OLFM3: variants seen among roughly 807,000 people sequenced by gnomAD.
OLFM3 encodes noelin-3.
OLFM3 carries 20 observed loss-of-function variants against 48.6 expected under a neutral mutation model. That is an observed-to-expected ratio of 0.41 (90% CI 0.29 to 0.60). The LOEUF (loss-of-function observed/expected upper bound fraction) is 0.60, where lower values mean the gene tolerates loss of function less well. OLFM3 is among the 20% of genes least tolerant of loss of function. The pLI, the probability that OLFM3 is intolerant of heterozygous loss-of-function variation, is 0.28. For synonymous variants in OLFM3, 222 were observed against 198.1 expected (o/e 1.12, Z -1.01); for missense variants, 437 against 544.3 (o/e 0.80, Z 1.96).
chr1:101,805,346 TTGAAA>T (rs1343698203), intron 5 of OLFM3, among the ~76,000 whole-genome samples: 1 of 151,866 alleles, frequency 6.6e-6, no homozygotes, highest in Non-Finnish European at 1.5e-5. Flanking sequence ...TCGTATTCAA[TTGAAA>T]TAAGTACCAT....
At chr1:101,947,663 A>G (rs545890705) in intron 1 of OLFM3, among the ~76,000 whole-genome samples, 8 of 152,294 alleles carry the variant, frequency 5.3e-5, no homozygotes, top group Admixed American at 2.6e-4. Context: ...AAGTTTCAAT[A>G]TGAGTGTTGC....
intron 1 of OLFM3, among the ~76,000 whole-genome samples, chr1:101,977,381 C>A (rs1018638942): frequency 2.0e-5 from 3 of 152,122 alleles, no homozygotes; most frequent in Non-Finnish European, 4.4e-5. Flanking sequence ...TCAGTACTAA[C>A]TGTGATTATG....
chr1:101,960,163 G>A (rs1179406450), intron 1 of OLFM3, among the ~76,000 whole-genome samples: 2 of 152,144 alleles, frequency 1.3e-5, no homozygotes, highest in Non-Finnish European at 2.9e-5. Context: ...AAAAACAGTG[G>A]TTGGTACCTA....
At chr1:101,887,874 T>A (rs1318681342) in intron 1 of OLFM3, among the ~76,000 whole-genome samples, 1 of 152,036 alleles carries the variant, frequency 6.6e-6, no homozygotes, top group South Asian at 2.1e-4. Flanking sequence ...ATGCTTACAT[T>A]TGCATTGTTT....
chr1:101,945,485 G>A (rs568902748), intron 1 of OLFM3, among the ~76,000 whole-genome samples: 1 of 151,450 alleles, frequency 6.6e-6, no homozygotes, highest in Admixed American at 6.6e-5. Flanking sequence ...CAGGTCAGTG[G>A]TTTCTGTGGG....
chr1:101,849,878 A>AAGAT (rs1414901416), intron 1 of OLFM3, among the ~76,000 whole-genome samples: 4 of 152,168 alleles, frequency 2.6e-5, no homozygotes, highest in Non-Finnish European at 4.4e-5. Flanking sequence ...CTTTATGAAG[A>AAGAT]AGATAGAATT....
chr1:101,964,108 G>A (rs1290016326), intron 1 of OLFM3, among the ~76,000 whole-genome samples: 1 of 152,166 alleles, frequency 6.6e-6, no homozygotes, highest in African/African-American at 2.4e-5. Context: ...AGTTAACACT[G>A]AGCAAAGCTT....
At chr1:101,937,134 A>C (rs1659646982) in intron 1 of OLFM3, among the ~76,000 whole-genome samples, 1 of 152,156 alleles carries the variant, frequency 6.6e-6, no homozygotes, top group Admixed American at 6.5e-5. Context: ...TAAACTAAAG[A>C]GCTTCTGCAC....
At chr1:101,856,529 TA>T in intron 1 of OLFM3, among the ~76,000 whole-genome samples, 1 of 151,990 alleles carries the variant, frequency 6.6e-6, no homozygotes, top group South Asian at 2.1e-4. Flanking sequence ...AATAGATAAG[TA>T]AAGGAAAAAA....
At chr1:101,819,072 C>A (rs1189582001) in intron 4 of OLFM3, among the ~76,000 whole-genome samples, 1 of 152,024 alleles carries the variant, frequency 6.6e-6, no homozygotes, top group Non-Finnish European at 1.5e-5. Context: ...TACTAAGTGT[C>A]ATGGGAGAGT....
intron 1 of OLFM3, among the ~76,000 whole-genome samples, chr1:101,956,478 C>T (rs1207703741): frequency 1.3e-5 from 2 of 151,804 alleles, no homozygotes; most frequent in Non-Finnish European, 3.0e-5. Flanking sequence ...ACTCCATCTA[C>T]CCTCACCTTC....
rs1653566937 is a variant in OLFM3, at chr1:101,803,067, A to C, written c.*1171T>G. The stretch of plus-strand genomic sequence containing the variant: ...GTTATTTACACTTTTGAAACCACAA[A>C]GACAACTCCCAAGTCTCCCCATATT... On this transcript the variant is annotated 3_prime_UTR_variant, in exon 6 of 6. Transcript: ENST00000370103. 1 of 152,000 alleles carries C rather than the reference A, an allele frequency of 6.6e-6. No homozygotes were observed. The highest frequency in any genetic ancestry group is 2.4e-5 in the African/African-American group (1 of 41,374). The allele number at this position is 152,000 out of a possible 1,614,324, so 9.4% of individuals were successfully genotyped here.
At chr1:101,846,871 T>A (rs1656020056) in intron 1 of OLFM3, 1 of 1,612,424 alleles carries the variant, frequency 6.2e-7, no homozygotes, top group Non-Finnish European at 8.5e-7. Flanking sequence ...GACAGCCTCG[T>A]GGTGTTCAGT....
At position 101,804,161 on chromosome 1, in the gene OLFM3, A is replaced by C; in HGVS notation, c.*77T>G. 8.8e-7 allele frequency: 1 copy of C among 1,140,632 alleles called. No homozygotes were observed. The highest frequency in any genetic ancestry group is 1.2e-6 in the Non-Finnish European group (1 of 827,398). 70.7% of individuals were successfully genotyped at this position (1,140,632 alleles called of 1,614,324 possible). On this transcript the variant is annotated 3_prime_UTR_variant, in exon 6 of 6. Coordinates refer to ENST00000370103, the MANE Select transcript of OLFM3 (RefSeq NM_058170.4). The surrounding 1 kb of genome is among the most constrained non-coding windows in gnomAD (Gnocchi z 4.5). ...GAGAAATGATGAAAAATAATAGTGA[A>C]GAAAAAAACGGAAGGGGTCTTATAG...
intron 4 of OLFM3, among the ~76,000 whole-genome samples, chr1:101,806,631 T>C (rs1358598222): frequency 6.6e-6 from 1 of 151,882 alleles, no homozygotes; most frequent in East Asian, 1.9e-4. Context: ...TACCAATTGA[T>C]TTTCATTCTG....
chr1:101,926,512 T>C (rs150179329), intron 1 of OLFM3, among the ~76,000 whole-genome samples: 28 of 152,328 alleles, frequency 1.8e-4, no homozygotes, highest in African/African-American at 6.5e-4. Context: ...GTCTCCATCT[T>C]GCAATTAAAC....
At chr1:101,939,845 T>C (rs1291701233) in intron 1 of OLFM3, among the ~76,000 whole-genome samples, 1 of 152,128 alleles carries the variant, frequency 6.6e-6, no homozygotes, top group African/African-American at 2.4e-5. Context: ...ACTTACATTG[T>C]TTTTAGGGTA....
chr1:101,903,134 G>A (rs1000735920), intron 1 of OLFM3, among the ~76,000 whole-genome samples: 3 of 151,990 alleles, frequency 2.0e-5, no homozygotes, highest in East Asian at 3.8e-4. Context: ...AGAAGGGCAG[G>A]GAAAAGAAAA....
intron 3 of OLFM3, 83 bp from the exon 4 acceptor site, chr1:101,825,328 A>G (rs1020251320): frequency 1.9e-6 from 2 of 1,055,288 alleles, no homozygotes; most frequent in Non-Finnish European, 2.7e-6. Context: ...TACTTAAAGG[A>G]AATTATTAAA....
Sources: gnomAD v4.1 joint callset for allele counts (sites outside exome capture counted in the v4.1 genomes callset) on GRCh38, gnomAD v4.1.1 for gene constraint, Gnocchi (gnomAD v3.1) non-coding constraint, MANE v1.5 for transcripts, NCBI Gene and HGNC (gene_info 2026-07-23, HGNC 2026-07-21) for gene names.